Variants in DIP2C observed in about 807,000 individuals in gnomAD.
DIP2C encodes the protein DIP2 acetate--CoA ligase C (putative).
Under a neutral mutation model 192.4 loss-of-function variants are expected in DIP2C, and 33 were observed. The ratio of observed to expected loss-of-function variants is 0.17; its 90% CI spans 0.13 to 0.23. The LOEUF (loss-of-function observed/expected upper bound fraction) is 0.23, where lower values mean the gene tolerates loss of function less well. Ranked by LOEUF, DIP2C falls within the 10% of genes least tolerant of loss-of-function variation. The pLI is 1.00. For missense variants in DIP2C, 1,537 were observed against 2,110.1 expected (o/e 0.73, Z 5.32); for synonymous variants, 979 against 864.1 (o/e 1.13, Z -2.33).
At chr10:380,010 G>A (rs1216184862) in intron 17 of DIP2C, among the ~76,000 whole-genome samples, 2 of 152,000 alleles carry the variant, frequency 1.3e-5, no homozygotes, top group Admixed American at 6.6e-5. Flanking sequence ...GCTGTCCCTG[G>A]ATGATGGTTA....
rs770870675 is a variant in DIP2C, at chr10:689,529, G to C, written c.50C>G (p.Ala17Gly). 7.7e-7 allele frequency: 1 copy of C among 1,298,260 alleles called. No homozygotes were observed. The highest frequency in any genetic ancestry group is 2.5e-5 in the Admixed American group (1 of 39,628). 80.4% of individuals were successfully genotyped at this position (1,298,260 alleles called of 1,614,324 possible). Reference protein sequence around the residue: ...EGMALPLEVRARLAELELELS... With the variant: ...EGMALPLEVRGRLAELELELS... ...CTCCAGCTCCAGCTCGGCCAGGCGCGCCCGCACCTCCAGGGGCAGCGCCAT... is the reference window on the plus strand; with the variant it reads ...CTCCAGCTCCAGCTCGGCCAGGCGCCCCCGCACCTCCAGGGGCAGCGCCAT... The change falls in exon 1 of 37, where the codon GCG becomes GGG. Residue 17 changes from alanine (A) to glycine (G), a missense_variant. Transcript: ENST00000280886. The surrounding 1 kb of genome is among the most constrained non-coding windows in gnomAD (Gnocchi z 6.1).
At chr10:572,691 CAAAA>C (rs77078972) in intron 1 of DIP2C, among the ~76,000 whole-genome samples, 3 of 151,896 alleles carry the variant, frequency 2.0e-5, no homozygotes, top group African/African-American at 7.3e-5. Context: ...CCATAATAGA[CAAAA>C]AAAAGTTTTT....
At chr10:679,984 T>G (rs1443940246) in intron 1 of DIP2C, among the ~76,000 whole-genome samples, 1 of 152,172 alleles carries the variant, frequency 6.6e-6, no homozygotes, top group Non-Finnish European at 1.5e-5. Context: ...CTGATCCACA[T>G]TAATCCTGAC....
At chr10:533,992 G>C (rs955008012) in intron 1 of DIP2C, among the ~76,000 whole-genome samples, 2 of 120,510 alleles carry the variant, frequency 1.7e-5, no homozygotes, top group African/African-American at 7.5e-5. Flanking sequence ...ATTAGGGTTT[G>C]ACATGCTTTA....
intron 32 of DIP2C, among the ~76,000 whole-genome samples, chr10:307,955 C>T (rs1459662120): frequency 7.9e-5 from 11 of 139,640 alleles, no homozygotes; most frequent in African/African-American, 1.1e-4. Flanking sequence ...GCCCGGCACA[C>T]GGTCCATCTG....
At chr10:448,687 C>T (rs536824038) in intron 3 of DIP2C, among the ~76,000 whole-genome samples, 10 of 144,270 alleles carry the variant, frequency 6.9e-5, no homozygotes, top group African/African-American at 2.6e-4. Context: ...TATTCAGGAT[C>T]ACACACAGTG....
At chr10:536,372 TCACA>T (rs1847693041) in intron 1 of DIP2C, among the ~76,000 whole-genome samples, 1 of 150,986 alleles carries the variant, frequency 6.6e-6, no homozygotes, top group Non-Finnish European at 1.5e-5. Flanking sequence ...CATAGGGACA[TCACA>T]GTCCCGGGGG....
chr10:484,862 C>T (rs1039370913), intron 2 of DIP2C: 1 of 1,611,722 alleles, frequency 6.2e-7, no homozygotes, highest in Middle Eastern at 1.7e-4. Flanking sequence ...ACGTCGCACA[C>T]CCCGATGTGG....
chr10:464,185 A>G (rs141993146), intron 3 of DIP2C, among the ~76,000 whole-genome samples: 50 of 152,316 alleles, frequency 3.3e-4, no homozygotes, highest in African/African-American at 1.1e-3. Context: ...CAGCAAAATA[A>G]ACTACCATCA....
intron 1 of DIP2C, among the ~76,000 whole-genome samples, chr10:595,496 C>G (rs1005755112): frequency 1.8e-4 from 28 of 152,290 alleles, no homozygotes; most frequent in African/African-American, 6.5e-4. Flanking sequence ...TCTTCTCACT[C>G]AGGATTTGAG....
chr10:444,659 G>A (rs1355684205), intron 3 of DIP2C, among the ~76,000 whole-genome samples: 1 of 152,186 alleles, frequency 6.6e-6, no homozygotes, highest in Non-Finnish European at 1.5e-5. Flanking sequence ...TGACACTCGT[G>A]TAGATTCTCC....
chr10:566,752 CGACTGCTCAAAGTCAGGCCCAT>C (rs1441720955), intron 1 of DIP2C, among the ~76,000 whole-genome samples: 1 of 152,220 alleles, frequency 6.6e-6, no homozygotes, highest in Non-Finnish European at 1.5e-5. Flanking sequence ...CCGTGGCCCA[CGACTGCTCAAAGTCAGGCCCAT>C]CGGACAGACA....
In DIP2C at chr10:283,434, T is replaced by A. The variant is rs201157609; in HGVS notation, c.4132A>T (p.Ser1378Cys). Residue 1378 changes from serine (S) to cysteine (C), a missense_variant, in exon 35 of 37, where the codon AGT (serine) becomes TGT (cysteine). By Grantham distance (112) the Ser-to-Cys change is moderately radical. This residue lies in a region of DIP2C where 341 missense variants were observed against 551.7 expected (regional missense o/e 0.62). Transcript: ENST00000280886. ...AAATAACCGCTGGCATTGTGGGCAC[T>A]GTGAACCCAAATCTGCAAACGGAGG... ...DSHLGEIWVH[S>C]AHNASGYFTI... 5.1e-5 allele frequency: 82 copies of A among 1,614,020 alleles called. No individual in the cohort carries two copies. The highest frequency in any genetic ancestry group is 3.3e-5 in the Admixed American group (2 of 59,986).
chr10:584,831 C>A (rs1850907633), intron 1 of DIP2C, among the ~76,000 whole-genome samples: 1 of 134,070 alleles, frequency 7.5e-6, no homozygotes, highest in African/African-American at 2.9e-5. Context: ...GACCCCCACT[C>A]ACGCGCATCA....
chr10:494,332 A>G lies in DIP2C; in HGVS notation c.86-7802T>C, dbSNP rs180742455. ...AGCTCCATGGTCACTGTGTGTTCAC[A>G]CCAGAGTCAGAGGCGCGCAGTGACC... On this transcript the variant is annotated intron_variant, in intron 1 of 36. Coordinates refer to ENST00000280886, the MANE Select transcript of DIP2C (RefSeq NM_014974.3). 2.4e-3 allele frequency among the ~76,000 whole-genome samples: 363 copies of G among 152,290 alleles called. 1 individual carries two copies. The highest frequency in any genetic ancestry group is 2.5e-3 in the Non-Finnish European group (170 of 68,030).
intron 3 of DIP2C, among the ~76,000 whole-genome samples, chr10:462,587 C>T (rs763093114): frequency 3.9e-5 from 6 of 152,166 alleles, no homozygotes; most frequent in Non-Finnish European, 2.9e-5. Flanking sequence ...CCAACTCTTA[C>T]CAGAGGTACA....
At chr10:674,769 C>CAAAT (rs1554772072) in intron 1 of DIP2C, among the ~76,000 whole-genome samples, 49 of 7,118 alleles carry the variant, frequency 6.9e-3, no homozygotes, top group Admixed American at 0.027. Flanking sequence ...AACTCCATCT[C>CAAAT]AAATATATAT....
At chr10:429,190 C>T (rs1165303627) in intron 4 of DIP2C, among the ~76,000 whole-genome samples, 1 of 151,664 alleles carries the variant, frequency 6.6e-6, no homozygotes, top group Non-Finnish European at 1.5e-5. Context: ...TCCTGCTTTG[C>T]CTATTCATCC....
intron 1 of DIP2C, among the ~76,000 whole-genome samples, chr10:579,159 TAC>T (rs1475193342): frequency 2.7e-4 from 41 of 151,762 alleles, no homozygotes; most frequent in East Asian, 1.4e-3. Context: ...TACACCCAGA[TAC>T]AGTGTACAAA....
Sources: allele counts gnomAD v4.1 joint callset (sites outside exome capture counted in the v4.1 genomes callset), GRCh38; gene constraint gnomAD v4.1.1; regional missense constraint gnomAD v4.1.1; non-coding constraint Gnocchi (gnomAD v3.1); transcripts MANE v1.5; gene names NCBI Gene and HGNC (gene_info 2026-07-23, HGNC 2026-07-21).